The following INO80 variants were observed in gnomAD, a reference collection of about 807,000 sequenced individuals.
The protein encoded by INO80 is chromatin-remodeling ATPase INO80.
A neutral mutation model predicts 203.4 loss-of-function variants in INO80; 20 were observed. The ratio of observed to expected loss-of-function variants is 0.10; its 90% CI spans 0.07 to 0.14. INO80 has a LOEUF of 0.14. Among genes scored for constraint, INO80 ranks in the 10% least tolerant of loss-of-function variants. The pLI is 1.00. For synonymous variants in INO80, 726 were observed against 685.2 expected (o/e 1.06, Z -0.93); for missense variants, 1,419 against 1,914.4 (o/e 0.74, Z 4.83).
chr15:41,045,809 G>A (rs559949258), intron 23 of INO80, among the ~76,000 whole-genome samples: 2 of 151,916 alleles, frequency 1.3e-5, no homozygotes, highest in African/African-American at 4.8e-5. Flanking sequence ...GCTGAGGCAG[G>A]AGAATAACTT....
At chr15:41,057,754 G>A (rs1435531279) in intron 16 of INO80, among the ~76,000 whole-genome samples, 3 of 128,976 alleles carry the variant, frequency 2.3e-5, no homozygotes, top group African/African-American at 3.1e-5. Flanking sequence ...CCGAGACTGC[G>A]CCACTGCACA....
At position 40,980,460 on chromosome 15, in the gene INO80, CAA is replaced by C; in HGVS notation, c.4454-22_4454-21del. On this transcript the variant is annotated intron_variant, in intron 35 of 35. Transcript: ENST00000648947. ...AGATTCCTGTGGGGACGGAGAGAGA[CAA>C]GAACGTAAGCACCAGTCCCGCGTAA... The C allele has an allele frequency of 6.3e-7, 1 of 1,593,296 alleles. No individual in the cohort carries two copies. Among genetic ancestry groups the C allele is most frequent in the Non-Finnish European group, 8.6e-7 (1 of 1,163,694 alleles).
rs542809553 is a variant in INO80 at position 41,010,001 on chromosome 15, TGATA to T, written c.3403-4318_3403-4315del. 3.1e-3 allele frequency among the ~76,000 whole-genome samples: 478 copies of T among 152,308 alleles called. 4 individuals carry two copies. Among genetic ancestry groups the T allele is most frequent in the African/African-American group, 0.011 (443 of 41,552 alleles). Reference sequence around the variant, plus strand: ...TAGATAAAAGCATCGCTATCCTGACTGATAAAGAGTGGCCATCTCCGCTTAATAT... The same window carrying T: ...TAGATAAAAGCATCGCTATCCTGACTAAGAGTGGCCATCTCCGCTTAATAT... On this transcript the variant is annotated intron_variant, in intron 27 of 35. Coordinates refer to ENST00000648947, the MANE Select transcript of INO80 (RefSeq NM_017553.3).
At chr15:41,096,471 G>T in intron 1 of INO80, 118 bp from the exon 2 acceptor site, 1 of 595,392 alleles carries the variant, frequency 1.7e-6, no homozygotes, top group Non-Finnish European at 2.6e-6. Context: ...ACACTGAAAA[G>T]ACAGGAGTCT....
intron 14 of INO80, among the ~76,000 whole-genome samples, chr15:41,064,352 C>T (rs944313224): frequency 1.1e-4 from 16 of 152,150 alleles, no homozygotes; most frequent in Admixed American, 2.6e-4. Context: ...TCTAGACAAT[C>T]CTCCACTGTT....
At chr15:41,096,903 T>C (rs1470576151) in intron 1 of INO80, among the ~76,000 whole-genome samples, 1 of 152,170 alleles carries the variant, frequency 6.6e-6, no homozygotes, top group East Asian at 1.9e-4. Context: ...CCATAATGAG[T>C]AAAATTTAAA....
At chr15:41,021,412 T>A (rs1410700114) in intron 25 of INO80, among the ~76,000 whole-genome samples, 1 of 152,240 alleles carries the variant, frequency 6.6e-6, no homozygotes, top group East Asian at 1.9e-4. Flanking sequence ...CTCTATTATA[T>A]GCATATATAT....
At chr15:41,027,107 AG>A (rs1476296659) in intron 25 of INO80, among the ~76,000 whole-genome samples, 6 of 152,234 alleles carry the variant, frequency 3.9e-5, no homozygotes, top group Admixed American at 6.5e-5. Flanking sequence ...TTGGAAAGCA[AG>A]AAAACACAAC....
chr15:41,095,733 A>C (rs763021734), intron 3 of INO80, 26 bp downstream of exon 3: 2 of 1,613,088 alleles, frequency 1.2e-6, no homozygotes, highest in Non-Finnish European at 8.5e-7. Flanking sequence ...ACGATAGTCC[A>C]AAGGGGGATG....
At chr15:41,031,182 G>C (rs561931010) in intron 24 of INO80, among the ~76,000 whole-genome samples, 1 of 152,042 alleles carries the variant, frequency 6.6e-6, no homozygotes, top group East Asian at 2.0e-4. Context: ...CTTAACATTA[G>C]TTCCATCAAA....
At chr15:41,012,434 T>C (rs1379930472) in intron 27 of INO80, among the ~76,000 whole-genome samples, 10 of 151,926 alleles carry the variant, frequency 6.6e-5, no homozygotes, top group Non-Finnish European at 8.8e-5. Flanking sequence ...GGCGTGGTGA[T>C]GCGCGCCTGA....
intron 27 of INO80, among the ~76,000 whole-genome samples, chr15:41,007,344 G>A (rs1041130512): frequency 6.6e-6 from 1 of 151,654 alleles, no homozygotes; most frequent in Non-Finnish European, 1.5e-5. Context: ...CACCACACCT[G>A]GCTAATTTTT....
intron 10 of INO80, among the ~76,000 whole-genome samples, chr15:41,073,738 C>G (rs963213816): frequency 1.3e-5 from 2 of 152,126 alleles, no homozygotes; most frequent in Admixed American, 6.6e-5. Context: ...GGCACTGCCT[C>G]TCAGTACTGG....
At chr15:41,090,943 G>A (rs75547025) in intron 5 of INO80, among the ~76,000 whole-genome samples, 3 of 46,950 alleles carry the variant, frequency 6.4e-5, no homozygotes, top group Non-Finnish European at 1.1e-4. Context: ...TTTTTTTTTT[G>A]AGATGAAGTC....
rs1314570989 is a variant in INO80, at chr15:41,095,508, C to T, written c.381+93G>A. The T allele has an allele frequency of 3.5e-6, 3 of 868,754 alleles. No homozygotes were observed. The African/African-American group carries it at 5.1e-5, about 15-fold the overall frequency. The allele number at this position is 868,754 out of a possible 1,614,324, so 53.8% of individuals were successfully genotyped here. On this transcript the variant is annotated intron_variant, in intron 4 of 35. Transcript: ENST00000648947. ...ATAAGAGAATCATATTTGAAAAACT[C>T]TGTCAATCTGCCAAAATGAGTTGAT...
At chr15:41,098,516 G>GA (rs2140674645) in intron 1 of INO80, among the ~76,000 whole-genome samples, 1 of 151,844 alleles carries the variant, frequency 6.6e-6, no homozygotes, top group Non-Finnish European at 1.5e-5. Flanking sequence ...CTCTTCAAAA[G>GA]AATTTAAAAT....
intron 27 of INO80, among the ~76,000 whole-genome samples, chr15:41,009,242 T>TTA (rs1449246107): frequency 1.3e-5 from 2 of 151,644 alleles, no homozygotes; most frequent in Admixed American, 1.3e-4. Context: ...TTTTTTTTTT[T>TTA]TTATTATACT....
intron 4 of INO80, among the ~76,000 whole-genome samples, chr15:41,092,890 C>G (rs1386603859): frequency 2.0e-5 from 3 of 152,054 alleles, no homozygotes; most frequent in African/African-American, 7.2e-5. Flanking sequence ...GATCTCTTCT[C>G]TACAGAAAAA....
chr15:41,082,584 C>A (rs2045501727), intron 7 of INO80, among the ~76,000 whole-genome samples: 1 of 151,976 alleles, frequency 6.6e-6, no homozygotes, highest in East Asian at 1.9e-4. Context: ...GCCTGTAATC[C>A]CAGCTACCCA....
Sources: gnomAD v4.1 joint callset for allele counts (sites outside exome capture counted in the v4.1 genomes callset) on GRCh38, gnomAD v4.1.1 for gene constraint, MANE v1.5 for transcripts, NCBI Gene and HGNC (gene_info 2026-07-23, HGNC 2026-07-21) for gene names.